SENP2: variants seen among roughly 807,000 people sequenced by gnomAD.
SENP2 encodes sentrin-specific protease 2.
A neutral mutation model predicts 86.3 loss-of-function variants in SENP2; 16 were observed. The ratio of observed to expected loss-of-function variants is 0.19; its 90% CI spans 0.13 to 0.28. The LOEUF is 0.28. SENP2 is among the 10% of genes least tolerant of loss of function. The pLI is 1.00. For synonymous variants in SENP2, 222 were observed against 238.7 expected (o/e 0.93, Z 0.64); for missense variants, 552 against 703.0 (o/e 0.79, Z 2.43).
chr3:185,604,211 GTTGT>G (rs901250901), intron 5 of SENP2, among the ~76,000 whole-genome samples: 12 of 152,172 alleles, frequency 7.9e-5, no homozygotes, highest in African/African-American at 2.9e-4. Context: ...ATAGAAATAT[GTTGT>G]TTAATTTCCA....
chr3:185,609,206 T>G, intron 6 of SENP2, 41 bp from the exon 7 acceptor site: 1 of 1,391,836 alleles, frequency 7.2e-7, no homozygotes, highest in Non-Finnish European at 1.0e-6. Context: ...ATTATAAATT[T>G]AATGTGCTGG....
intron 2 of SENP2, among the ~76,000 whole-genome samples, chr3:185,597,671 G>A (rs1014096980): frequency 6.9e-6 from 1 of 143,918 alleles, no homozygotes; most frequent in African/African-American, 2.6e-5. Flanking sequence ...TTTTTTTTTT[G>A]AGATGGAGTT....
At chr3:185,623,846 A>AAAAAT in intron 14 of SENP2, 152 bp from the exon 15 acceptor site, 1 of 445,700 alleles carries the variant, frequency 2.2e-6, no homozygotes, top group Non-Finnish European at 3.8e-6. Flanking sequence ...AAAAAAAAAA[A>AAAAAT]AAAATCCAGA....
At chr3:185,617,376 C>A in intron 11 of SENP2, 104 bp from the exon 12 acceptor site, 1 of 762,626 alleles carries the variant, frequency 1.3e-6, no homozygotes, top group Non-Finnish European at 2.0e-6. Context: ...TCTCAAGAGT[C>A]AGGTGTTGCC....
chr3:185,620,403 G>T (rs1162366704), intron 13 of SENP2, among the ~76,000 whole-genome samples: 1 of 151,574 alleles, frequency 6.6e-6, no homozygotes, highest in Admixed American at 6.6e-5. Flanking sequence ...CTTTTAGAAG[G>T]CTACAGGACG....
At chr3:185,611,423 T>G (rs1164994811) in intron 7 of SENP2, 1 of 382,188 alleles carries the variant, frequency 2.6e-6, no homozygotes, top group African/African-American at 2.0e-5. Flanking sequence ...ACCTCTGATT[T>G]TACAAACAGA....
chr3:185,626,506 C>T, intron 16 of SENP2, 113 bp downstream of exon 16: 3 of 683,138 alleles, frequency 4.4e-6, no homozygotes, highest in East Asian at 5.6e-5. Context: ...GGCGTGGTGG[C>T]TCACACCTGT....
Position 185,613,427 on chromosome 3 carries a change from T to TA in SENP2, c.933+20dup. The TA allele has an allele frequency of 6.9e-7, 1 of 1,442,570 alleles. No individual in the cohort carries two copies. Among genetic ancestry groups the TA allele is most frequent in the Non-Finnish European group, 9.7e-7 (1 of 1,027,654 alleles). 89.4% of individuals were successfully genotyped at this position (1,442,570 alleles called of 1,614,324 possible). ...TGAAAGTGTAAGTAAAAATCCTAGTTACATTTGATACCTGTTTACTTATGT... is the reference window on the plus strand; with the variant it reads ...TGAAAGTGTAAGTAAAAATCCTAGTTAACATTTGATACCTGTTTACTTATGT... On this transcript the variant is annotated intron_variant, in intron 10 of 16. Transcript: ENST00000296257.
intron 10 of SENP2, 149 bp downstream of exon 10, chr3:185,613,557 A>G: frequency 4.0e-6 from 2 of 495,516 alleles, no homozygotes; most frequent in South Asian, 2.7e-5. Flanking sequence ...CCAGCCAGTC[A>G]CAGTGGCTCA....
rs563011062 is a variant in SENP2 at position 185,616,667 on chromosome 3, C to T, written c.1111-813C>T. ...GCGGGCGCCTGTCATCCCAGCTACT[C>T]GGGAGGCTGAGGCAGGAGAATGGCG... On this transcript the variant is annotated intron_variant, in intron 11 of 16. Coordinates refer to ENST00000296257, the MANE Select transcript of SENP2 (RefSeq NM_021627.3). Among the ~76,000 whole-genome samples, 115 of 150,446 alleles carry T rather than the reference C, an allele frequency of 7.6e-4. No homozygotes were observed. The Middle Eastern group carries it at 0.01, about 14-fold the overall frequency.
At chr3:185,592,011 CTTTTTTTTTT>C (rs149268515) in intron 2 of SENP2, among the ~76,000 whole-genome samples, 7 of 65,804 alleles carry the variant, frequency 1.1e-4, no homozygotes, top group Admixed American at 5.0e-4. Flanking sequence ...GGTAATATTT[CTTTTTTTTTT>C]TTTTTTTTTT....
chr3:185,622,725 A>G (rs951008882), intron 14 of SENP2, among the ~76,000 whole-genome samples: 4 of 151,420 alleles, frequency 2.6e-5, no homozygotes, highest in Admixed American at 6.6e-5. Flanking sequence ...ATATTATCCC[A>G]TGTATAGAAA....
chr3:185,624,657 C>T (rs1351281869), intron 15 of SENP2, among the ~76,000 whole-genome samples: 4 of 151,972 alleles, frequency 2.6e-5, no homozygotes, highest in Non-Finnish European at 5.9e-5. Context: ...GGGCAGATCA[C>T]CTGAGGTCAG....
At chr3:185,590,863 A>G (rs1456972478) in intron 2 of SENP2, among the ~76,000 whole-genome samples, 44 of 79,118 alleles carry the variant, frequency 5.6e-4, no homozygotes, top group Non-Finnish European at 8.8e-4. Context: ...GCGACACTCC[A>G]TCTCAAAAAA....
At chr3:185,591,640 C>G (rs939719658) in intron 2 of SENP2, among the ~76,000 whole-genome samples, 2 of 152,160 alleles carry the variant, frequency 1.3e-5, no homozygotes, top group Non-Finnish European at 2.9e-5. Flanking sequence ...CGTGAGCCCC[C>G]GCGCCTGGCC....
At chr3:185,620,288 G>A (rs184799473) in intron 13 of SENP2, among the ~76,000 whole-genome samples, 11 of 151,784 alleles carry the variant, frequency 7.2e-5, no homozygotes, top group Admixed American at 4.6e-4. Context: ...TTTTGCCCAA[G>A]CTAGTCTTGA....
At chr3:185,616,570 TC>T (rs1370180762) in intron 11 of SENP2, among the ~76,000 whole-genome samples, 1 of 151,040 alleles carries the variant, frequency 6.6e-6, no homozygotes, top group Non-Finnish European at 1.5e-5. Flanking sequence ...GGTCAGGAGA[TC>T]GAGACCATCC....
At position 185,631,948 on chromosome 3, in the gene SENP2, T is replaced by C. The variant is rs1712497864; in HGVS notation, c.*2104T>C. 1 of 151,704 alleles carries C rather than the reference T, an allele frequency of 6.6e-6. No homozygotes were observed. The highest frequency in any genetic ancestry group is 6.6e-5 in the Admixed American group (1 of 15,218). 9.4% of individuals were successfully genotyped at this position (151,704 alleles called of 1,614,324 possible). ...ACTCTTCCGGACGGCTCTTAAAACT[T>C]GCAGGACATAATGAAATTGGGAAGA... On this transcript the variant is annotated 3_prime_UTR_variant, in exon 17 of 17. Coordinates refer to ENST00000296257, the MANE Select transcript of SENP2 (RefSeq NM_021627.3).
At chr3:185,606,795 G>T in intron 6 of SENP2, 1 of 525,634 alleles carries the variant, frequency 1.9e-6, no homozygotes, top group South Asian at 1.6e-5. Context: ...TCTGTGACAG[G>T]ATCAAGCATG....
Sources: gnomAD v4.1 joint callset for allele counts (sites outside exome capture counted in the v4.1 genomes callset) on GRCh38, gnomAD v4.1.1 for gene constraint, MANE v1.5 for transcripts, NCBI Gene and HGNC (gene_info 2026-07-23, HGNC 2026-07-21) for gene names.